Variants in RGSL1 observed in about 807,000 individuals in gnomAD.
The protein encoded by RGSL1 is regulator of G protein signaling protein-like.
In RGSL1, 97 loss-of-function variants were observed where a neutral mutation model predicts 124.7. The ratio of observed to expected loss-of-function variants is 0.78; its 90% CI spans 0.66 to 0.92. The LOEUF is 0.92. Ranked by LOEUF, RGSL1 falls within the 40% of genes least tolerant of loss-of-function variation. The probability of loss-of-function intolerance (pLI) is 0.00; values close to 1 mark genes in which losing one functional copy is unlikely to be tolerated. For missense variants in RGSL1, 1,233 were observed against 1,288.4 expected (o/e 0.96, Z 0.66); for synonymous variants, 424 against 438.1 (o/e 0.97, Z 0.40).
intron 14 of RGSL1, among the ~76,000 whole-genome samples, chr1:182,537,270 T>G (rs1196468420): frequency 6.6e-6 from 1 of 152,126 alleles, no homozygotes; most frequent in Non-Finnish European, 1.5e-5. Context: ...ATTTATTCAG[T>G]GTCCCCAAGG....
chr1:182,547,350 G>T (rs1472156309), intron 15 of RGSL1, among the ~76,000 whole-genome samples: 1 of 147,078 alleles, frequency 6.8e-6, no homozygotes, highest in Non-Finnish European at 1.5e-5. Flanking sequence ...AATTTTGAAG[G>T]AAGAGTAGAG....
At position 182,467,658 on chromosome 1, in the gene RGSL1, A is replaced by C. The variant is rs534721424; in HGVS notation, c.302-4738A>C. Among the ~76,000 whole-genome samples, 10 of 152,326 alleles carry C rather than the reference A, an allele frequency of 6.6e-5. No individual in the cohort carries two copies. In the South Asian group the frequency reaches 2.1e-3, roughly 32 times the overall value. On this transcript the variant is annotated intron_variant, in intron 4 of 21. Transcript: ENST00000294854. ...ACTTAAATGTTAGACCTAAAACCATAAAATCCTAGAAGAAAACCTAGGCAA... is the reference window on the plus strand; with the variant it reads ...ACTTAAATGTTAGACCTAAAACCATCAAATCCTAGAAGAAAACCTAGGCAA...
intron 4 of RGSL1, among the ~76,000 whole-genome samples, chr1:182,460,352 G>C (rs1192733556): frequency 6.6e-6 from 1 of 152,176 alleles, no homozygotes; most frequent in Non-Finnish European, 1.5e-5. Flanking sequence ...CCCAGCCCAT[G>C]TTTTGGCAAT....
rs192281569 is a variant in RGSL1, at chr1:182,499,073, G to C, written c.1825+5944G>C. Among the ~76,000 whole-genome samples, 513 of 152,292 alleles carry C rather than the reference G, an allele frequency of 3.4e-3. 2 individuals are homozygous for C. The highest frequency in any genetic ancestry group is 6.8e-3 in the Middle Eastern group (2 of 294). On this transcript the variant is annotated intron_variant, in intron 9 of 21. Coordinates refer to ENST00000294854, the MANE Select transcript of RGSL1 (RefSeq NM_001137669.2). ...CTCCCAAAGTGCTGGGATTACAGGC[G>C]CGAGCCCCGGCACCTGGCTCTTATG... is the stretch of plus-strand genomic sequence containing the variant.
chr1:182,495,318 CAG>C (rs1655832131), intron 9 of RGSL1, among the ~76,000 whole-genome samples: 1 of 152,186 alleles, frequency 6.6e-6, no homozygotes, highest in African/African-American at 2.4e-5. Context: ...CATCAACTGG[CAG>C]AGTGTCATTC....
rs187887165 is a variant in RGSL1, at chr1:182,468,374, C to T, written c.302-4022C>T. On this transcript the variant is annotated intron_variant, in intron 4 of 21. Coordinates refer to ENST00000294854, the MANE Select transcript of RGSL1 (RefSeq NM_001137669.2). ...AAAGACTTGGAACCAACCCAAATGT[C>T]CAACAATGATAGACTGGATTAAGAA... Among the ~76,000 whole-genome samples, 323 of 152,252 alleles carry T rather than the reference C, an allele frequency of 2.1e-3. 1 individual carries two copies. Among genetic ancestry groups the T allele is most frequent in the African/African-American group, 7.1e-3 (295 of 41,542 alleles).
chr1:182,541,706 GT>G (rs1659901247), intron 15 of RGSL1, among the ~76,000 whole-genome samples: 2 of 152,066 alleles, frequency 1.3e-5, no homozygotes, highest in Non-Finnish European at 2.9e-5. Flanking sequence ...CAGGTACAAG[GT>G]TTCCCCTTTT....
Position 182,551,125 on chromosome 1 carries a change from TCTTA to T in RGSL1, c.2965_2968del (p.Leu989SerfsTer31). 1 of 1,551,682 alleles carries T rather than the reference TCTTA, an allele frequency of 6.4e-7. No homozygotes were observed. ...GTTTTGTTTCTGGAAGGCAACCCGC[TCTTA>T]CTTACAGTATAGGGGGAAGAAGTTC... On this transcript the variant is annotated frameshift_variant, in exon 18 of 22. Transcript: ENST00000294854. LOFTEE classifies it high-confidence loss of function.
rs563340954 is a variant in RGSL1 at position 182,517,907 on chromosome 1, AGATTGTGGTTCTCT to A, written c.1826-4095_1826-4082del. ...GTTCCTTGTTTTGATCCATTTGGGA[AGATTGTGGTTCTCT>A]GTTTGCTCTTGTTTCTTGTGGGTCT... On this transcript the variant is annotated intron_variant, in intron 9 of 21. Transcript: ENST00000294854. 1.5e-3 allele frequency among the ~76,000 whole-genome samples: 236 copies of A among 152,276 alleles called. 1 individual carries two copies. The highest frequency in any genetic ancestry group is 3.9e-3 in the Admixed American group (59 of 15,294).
chr1:182,548,276 A>C, intron 15 of RGSL1, 41 bp from the exon 16 acceptor site: 1 of 1,550,578 alleles, frequency 6.4e-7, no homozygotes, highest in Non-Finnish European at 8.7e-7. Context: ...CACTGTTTTC[A>C]TCTTCTCCTC....
At chr1:182,464,539 C>T (rs1653115926) in intron 4 of RGSL1, among the ~76,000 whole-genome samples, 1 of 151,960 alleles carries the variant, frequency 6.6e-6, no homozygotes, top group African/African-American at 2.4e-5. Flanking sequence ...GCCTGGCCAA[C>T]ATGGTGAAAA....
intron 4 of RGSL1, 72 bp from the exon 5 acceptor site, chr1:182,472,324 A>G: frequency 7.2e-7 from 1 of 1,383,044 alleles, no homozygotes. Flanking sequence ...ATGTCAGTTG[A>G]TTCACCCAGA....
In RGSL1 at chr1:182,530,858, T is replaced by G; in HGVS notation, c.2312T>G (p.Ile771Ser). Reference protein sequence around the residue: ...QEVEVQSEVQISSRKPSKIVS... With the variant: ...QEVEVQSEVQSSSRKPSKIVS... The stretch of plus-strand genomic sequence containing the variant: ...GTGGAAGTGCAAAGTGAAGTACAAA[T>G]TTCGTCTAGGAAGCCCTCAAAGATA... The change falls in exon 13 of 22, where the codon ATT (isoleucine) becomes AGT (serine). Residue 771 changes from isoleucine (I) to serine (S), a missense_variant. Physicochemically the swap from Ile to Ser is moderately radical, Grantham distance 142. Transcript: ENST00000294854. The G allele has an allele frequency of 6.5e-7, 1 of 1,550,220 alleles. No homozygotes were observed. Among genetic ancestry groups the G allele is most frequent in the South Asian group, 1.2e-5 (1 of 83,936 alleles).
chr1:182,461,717 T>C (rs992454928), intron 4 of RGSL1, among the ~76,000 whole-genome samples: 1 of 151,508 alleles, frequency 6.6e-6, no homozygotes. Flanking sequence ...AAAATGAAAA[T>C]TCTACTAGAA....
intron 14 of RGSL1, 113 bp downstream of exon 14, chr1:182,532,904 C>CA (rs1353981918): frequency 1.8e-5 from 21 of 1,153,858 alleles, no homozygotes; most frequent in South Asian, 3.2e-5. Flanking sequence ...TGGAGTCTAG[C>CA]AAAAAAACCC....
chr1:182,548,482 G>T lies in RGSL1; in HGVS notation c.2808+27G>T, dbSNP rs1007727847. The T allele has an allele frequency of 2.6e-6, 4 of 1,549,636 alleles. No individual in the cohort carries two copies. The African/African-American group carries it at 5.5e-5, about 21-fold the overall frequency. Reference sequence around the variant, plus strand: ...TAAGAAAGACTCCCACTCCACTCTGGCCTTTCACCAAGAAGCATTTCCCCC... The same window carrying T: ...TAAGAAAGACTCCCACTCCACTCTGTCCTTTCACCAAGAAGCATTTCCCCC... On this transcript the variant is annotated intron_variant, in intron 16 of 21. Transcript: ENST00000294854.
At chr1:182,542,624 G>C (rs1377330875) in intron 15 of RGSL1, among the ~76,000 whole-genome samples, 2 of 151,974 alleles carry the variant, frequency 1.3e-5, no homozygotes, top group Non-Finnish European at 2.9e-5. Flanking sequence ...TTTTGATAGG[G>C]ATTGCACTGA....
intron 3 of RGSL1, among the ~76,000 whole-genome samples, 165 bp downstream of exon 3, chr1:182,458,558 C>T (rs1382839979): frequency 6.6e-6 from 1 of 152,212 alleles, no homozygotes; most frequent in East Asian, 1.9e-4. Context: ...CAACCTTTGC[C>T]TCCCTGGCTC....
intron 9 of RGSL1, among the ~76,000 whole-genome samples, chr1:182,521,315 C>T (rs1173331916): frequency 4.6e-5 from 7 of 152,316 alleles, no homozygotes; most frequent in Middle Eastern, 3.4e-3. Flanking sequence ...AAGTGATCCT[C>T]CCACTTTGGC....
Sources: gnomAD v4.1 joint callset for allele counts (sites outside exome capture counted in the v4.1 genomes callset) on GRCh38, gnomAD v4.1.1 for gene constraint, MANE v1.5 for transcripts, NCBI Gene and HGNC (gene_info 2026-07-23, HGNC 2026-07-21) for gene names.